The following GLI4 variants were observed in gnomAD, a reference collection of about 807,000 sequenced individuals.
GLI4 encodes the protein zinc finger protein GLI4.
Under a neutral mutation model 30.9 loss-of-function variants are expected in GLI4, and 34 were observed. The ratio of observed to expected loss-of-function variants is 1.10; its 90% CI spans 0.84 to 1.47. The LOEUF (loss-of-function observed/expected upper bound fraction) is 1.47. Ranked by LOEUF, GLI4 falls within the 40% of genes most tolerant of loss-of-function variation. GLI4 has a pLI of 0.00. For missense variants in GLI4, 696 were observed against 538.9 expected (o/e 1.29, Z -2.89); for synonymous variants, 277 against 236.7 (o/e 1.17, Z -1.56).
Position 143,276,808 on chromosome 8 carries a change from G to A in GLI4, c.*4G>A. The A allele has an allele frequency of 1.3e-6, 2 of 1,541,260 alleles. No individual in the cohort carries two copies. ...GCGGGTGCACTACCGCGAGTAGCCG[G>A]GCGGGGGCTCGGGGCTCGGCCTCCT... is the stretch of plus-strand genomic sequence containing the variant. On this transcript the variant is annotated 3_prime_UTR_variant, in exon 4 of 4. Transcript: ENST00000340042.
Position 143,275,639 on chromosome 8 carries a change from G to T in GLI4, c.224-258G>T, listed in dbSNP as rs374698508. On this transcript the variant is annotated intron_variant, in intron 3 of 3. Coordinates refer to ENST00000340042, the MANE Select transcript of GLI4 (RefSeq NM_138465.4). ...CCACTGTGGCTCCGTGCACCGGCAC[G>T]GCCGCCGTGGTGACTGTGGATGGTC... 124 of 1,234,642 alleles carry T rather than the reference G, an allele frequency of 1.0e-4. No homozygotes were observed. In the East Asian group the frequency reaches 3.1e-3, roughly 31 times the overall value. The allele number at this position is 1,234,642 out of a possible 1,614,324, so 76.5% of individuals were successfully genotyped here.
intron 2 of GLI4, among the ~76,000 whole-genome samples, chr8:143,270,532 G>A (rs1396769325): frequency 2.0e-5 from 3 of 152,212 alleles, no homozygotes; most frequent in Non-Finnish European, 4.4e-5. Context: ...TGGTGGACCT[G>A]GCCAGGGGCT....
Position 143,276,845 on chromosome 8 carries a change from A to G in GLI4, c.*41A>G, listed in dbSNP as rs1188851650. ...GGGCTCGGCCTCCTACCTGCCCCCA[A>G]CCCACCCTCCACCCCGTCCCCCACG... On this transcript the variant is annotated 3_prime_UTR_variant, in exon 4 of 4. Coordinates refer to ENST00000340042, the MANE Select transcript of GLI4 (RefSeq NM_138465.4). 1.6e-6 allele frequency: 2 copies of G among 1,284,050 alleles called. No homozygotes were observed. The highest frequency in any genetic ancestry group is 3.0e-5 in the African/African-American group (2 of 67,680). The allele number at this position is 1,284,050 out of a possible 1,614,324, so 79.5% of individuals were successfully genotyped here.
chr8:143,274,710 C>G lies in GLI4; in HGVS notation c.131C>G (p.Pro44Arg). The change falls in exon 3 of 4, where the codon CCT becomes CGT. Residue 44 changes from proline (P) to arginine (R), a missense_variant. By Grantham distance (103) the Pro-to-Arg change is moderately radical. Coordinates refer to ENST00000340042, the MANE Select transcript of GLI4 (RefSeq NM_138465.4). ...LHLHGHQHGS[P>R]GSSPKVLSQP... is the part of the protein sequence containing the mutation. ...CAGCCTCCCTGACCCCCAGGCTCCC[C>G]TGGCTCCAGCCCTAAGGTGCTCTCC... 3 of 1,556,058 alleles carry G rather than the reference C, an allele frequency of 1.9e-6. No homozygotes were observed. Among genetic ancestry groups the G allele is most frequent in the Non-Finnish European group, 2.6e-6 (3 of 1,147,748 alleles).
rs1405588488 is a variant in GLI4, at chr8:143,276,438, G to A, written c.765G>A (p.Thr255=). 1 of 1,609,970 alleles carries A rather than the reference G, an allele frequency of 6.2e-7. No homozygotes were observed. Among genetic ancestry groups the A allele is most frequent in the Non-Finnish European group, 8.5e-7 (1 of 1,179,102 alleles). Residue 255 remains threonine, a synonymous_variant, in exon 4 of 4, where the codon ACG becomes ACA. Coordinates refer to ENST00000340042, the MANE Select transcript of GLI4 (RefSeq NM_138465.4). ...CCTTCAGCCACAGCTCGCACTTCAC[G>A]CAGCACCTGCGCATCCACAACGGCG... ...GRAFSHSSHF[T]QHLRIHNGEK... is the part of the protein sequence containing the mutation.
At chr8:143,275,171 CCCT>C (rs767634072) in intron 3 of GLI4, 18 of 1,535,570 alleles carry the variant, frequency 1.2e-5, no homozygotes, top group East Asian at 2.4e-5. Context: ...ATCCTGTGTC[CCCT>C]CCTCCTCCTG....
rs572013200 is a variant in GLI4, at chr8:143,269,437, C to A, written c.41C>A (p.Pro14Gln). ...GACATTCAGGAGTCCCCTTCTGTCC[C>A]GTCCCCTGTCAGTCTCTCATCACCG... is the stretch of plus-strand genomic sequence containing the variant. ...LGDIQESPSVPSPVSLSSPGT... is the reference protein window; with the variant it reads ...LGDIQESPSVQSPVSLSSPGT... The change falls in exon 2 of 4, where the codon CCG (proline) becomes CAG (glutamine). Residue 14 changes from proline (P) to glutamine (Q), a missense_variant. Transcript: ENST00000340042. 3.1e-6 allele frequency: 5 copies of A among 1,608,540 alleles called. No homozygotes were observed. In the East Asian group the frequency reaches 1.1e-4, roughly 36 times the overall value.
chr8:143,276,111 G>T lies in GLI4; in HGVS notation c.438G>T (p.Thr146=). ...CAQPRGAWRV[T]LVQQAAAGPE... is the part of the protein sequence containing the mutation. The stretch of plus-strand genomic sequence containing the variant: ...AGCCGCGGGGCGCCTGGCGCGTGAC[G>T]CTCGTGCAGCAAGCAGCGGCCGGGC... The change falls in exon 4 of 4, where the codon ACG becomes ACT. Residue 146 remains threonine, a synonymous_variant. Transcript: ENST00000340042. The T allele has an allele frequency of 6.8e-7, 1 of 1,465,804 alleles. No individual in the cohort carries two copies. The highest frequency in any genetic ancestry group is 1.4e-5 in the South Asian group (1 of 71,196). The allele number at this position is 1,465,804 out of a possible 1,614,324, so 90.8% of individuals were successfully genotyped here.
At position 143,276,056 on chromosome 8, in the gene GLI4, G is replaced by T; in HGVS notation, c.383G>T (p.Gly128Val). 1 of 1,363,276 alleles carries T rather than the reference G, an allele frequency of 7.3e-7. No individual in the cohort carries two copies. Among genetic ancestry groups the T allele is most frequent in the South Asian group, 1.8e-5 (1 of 54,288 alleles). The allele number at this position is 1,363,276 out of a possible 1,614,324, so 84.4% of individuals were successfully genotyped here. A position where few individuals can be genotyped will look rare whatever the true frequency, so the allele number is the denominator to read the frequency against. The change falls in exon 4 of 4, where the codon GGC becomes GTC. Residue 128 changes from glycine to valine, a missense_variant. Coordinates refer to ENST00000340042, the MANE Select transcript of GLI4 (RefSeq NM_138465.4). ...GAATCCAGCGCGGAGCGGCCGGCGG[G>T]CCAGCCGCCTGGGGCCGTCCCTTGC... ...GPESSAERPAGQPPGAVPCAQ... is the reference protein window; with the variant it reads ...GPESSAERPAVQPPGAVPCAQ...
chr8:143,274,425 C>T (rs147865652), intron 2 of GLI4: 3,004 of 285,582 alleles, frequency 0.011, 59 homozygotes, highest in South Asian at 0.05. Flanking sequence ...AGGAGGGCCG[C>T]TTCAAAGCTC....
Position 143,271,650 on chromosome 8 carries a change from C to A in GLI4, c.124+2130C>A, listed in dbSNP as rs186258262. 2.9e-3 allele frequency among the ~76,000 whole-genome samples: 438 copies of A among 152,316 alleles called. 5 individuals are homozygous for A. The highest frequency in any genetic ancestry group is 9.9e-3 in the African/African-American group (413 of 41,560). On this transcript the variant is annotated intron_variant, in intron 2 of 3. Coordinates refer to ENST00000340042, the MANE Select transcript of GLI4 (RefSeq NM_138465.4). ...CGAGGTTCCTGGGGCCCACCCCAGG[C>A]ACATGTGGTCACCTCAGGAGCCTCT...
chr8:143,275,825 C>T, intron 3 of GLI4, 72 bp from the exon 4 acceptor site: 2 of 1,250,790 alleles, frequency 1.6e-6, no homozygotes, highest in Non-Finnish European at 2.0e-6. Flanking sequence ...TGCTCTCACT[C>T]CCCGTCCCCG....
intron 2 of GLI4, among the ~76,000 whole-genome samples, chr8:143,269,766 G>C (rs1192847494): frequency 6.6e-6 from 1 of 152,342 alleles, no homozygotes; most frequent in African/African-American, 2.4e-5. Context: ...ACAGCTCCCC[G>C]CATTGTTTCT....
In GLI4 at chr8:143,276,826, G is replaced by C; in HGVS notation, c.*22G>C. On this transcript the variant is annotated 3_prime_UTR_variant, in exon 4 of 4. Coordinates refer to ENST00000340042, the MANE Select transcript of GLI4 (RefSeq NM_138465.4). ...GTAGCCGGGCGGGGGCTCGGGGCTC[G>C]GCCTCCTACCTGCCCCCAACCCACC... 1.4e-6 allele frequency: 2 copies of C among 1,473,020 alleles called. No individual in the cohort carries two copies. The highest frequency in any genetic ancestry group is 1.3e-5 in the South Asian group (1 of 76,802). The allele number at this position is 1,473,020 out of a possible 1,614,324, so 91.2% of individuals were successfully genotyped here.
intron 1 of GLI4, 37 bp downstream of exon 1, chr8:143,267,521 C>T (rs1474996083): frequency 1.0e-6 from 1 of 986,380 alleles, no homozygotes; most frequent in Non-Finnish European, 1.2e-6. Flanking sequence ...GCTCCGGGTG[C>T]CTGGGACCAG....
intron 3 of GLI4, chr8:143,275,063 G>C (rs763897940): frequency 5.2e-6 from 8 of 1,535,296 alleles, no homozygotes; most frequent in Non-Finnish European, 7.0e-6. Context: ...GCCGGCCCCA[G>C]CTGGACACAG....
intron 2 of GLI4, chr8:143,273,055 A>G (rs1815304582): frequency 6.6e-6 from 1 of 152,268 alleles, no homozygotes; most frequent in African/African-American, 2.4e-5. Context: ...GGCCCCAGGA[A>G]CAAAGCTGGA....
At chr8:143,275,869 T>C in intron 3 of GLI4, 28 bp from the exon 4 acceptor site, 5 of 1,268,122 alleles carry the variant, frequency 3.9e-6, no homozygotes, top group Non-Finnish European at 5.0e-6. Flanking sequence ...ATGCGGGTAC[T>C]ATCCGCCTCT....
chr8:143,275,471 C>T, intron 3 of GLI4: 1 of 1,356,716 alleles, frequency 7.4e-7, no homozygotes, highest in Non-Finnish European at 9.4e-7. Context: ...GGGGCAGCCC[C>T]ATGAGGAGCT....
Sources: gnomAD v4.1 joint callset for allele counts (sites outside exome capture counted in the v4.1 genomes callset) on GRCh38, gnomAD v4.1.1 for gene constraint, MANE v1.5 for transcripts, NCBI Gene and HGNC (gene_info 2026-07-23, HGNC 2026-07-21) for gene names.